Variants in KCNJ6 observed in about 807,000 individuals in gnomAD.
The protein encoded by KCNJ6 is potassium inwardly rectifying channel subfamily J member 6.
KCNJ6 carries 9 observed loss-of-function variants against 34.2 expected under a neutral mutation model. The observed-to-expected ratio is 0.26, with a 90% CI of 0.16 to 0.46. KCNJ6 has a LOEUF of 0.46. Among genes scored for constraint, KCNJ6 ranks in the 20% least tolerant of loss-of-function variants. KCNJ6 has a pLI of 1.00. For missense variants in KCNJ6, 236 were observed against 531.3 expected, an observed-to-expected ratio of 0.44 and a Z score of 5.46; for synonymous variants, 196 against 207.1, an observed-to-expected ratio of 0.95 and a Z score of 0.46.
intron 3 of KCNJ6, among the ~76,000 whole-genome samples, chr21:37,712,485 TCTTCC>T (rs2054759186): frequency 2.1e-5 from 2 of 93,054 alleles, no homozygotes; most frequent in Non-Finnish European, 2.6e-5. Context: ...CCTCCCTTTC[TCTTCC>T]CTCCCTCCTC....
chr21:37,639,010 A>G (rs1449465768), intron 3 of KCNJ6, among the ~76,000 whole-genome samples: 1 of 152,212 alleles, frequency 6.6e-6, no homozygotes, highest in East Asian at 1.9e-4. Context: ...CTCCAGTTGA[A>G]AAAGAAAATC....
intron 2 of KCNJ6, among the ~76,000 whole-genome samples, chr21:37,778,692 T>TGTGC (rs145978913): frequency 4.5e-5 from 6 of 132,746 alleles, no homozygotes; most frequent in Non-Finnish European, 6.5e-5. Context: ...CCGTGTGCTG[T>TGTGC]GTGCGTGTGT....
rs2054293678 is a variant in KCNJ6, at chr21:37,622,670, G to A, written c.*2489C>T. The A allele has an allele frequency of 6.6e-6, 1 of 152,190 alleles. No homozygotes were observed. Among genetic ancestry groups the A allele is most frequent in the Non-Finnish European group, 1.5e-5 (1 of 68,030 alleles). The allele number at this position is 152,190 out of a possible 1,614,324, so 9.4% of individuals were successfully genotyped here. On this transcript the variant is annotated 3_prime_UTR_variant, in exon 4 of 4. Coordinates refer to ENST00000609713, the MANE Select transcript of KCNJ6 (RefSeq NM_002240.5). ...ACCTCACATCTGGGTGCCCGTCACAGACACAGAACTGACAGGTGCACGTGG... is the reference window on the plus strand; with the variant it reads ...ACCTCACATCTGGGTGCCCGTCACAAACACAGAACTGACAGGTGCACGTGG...
At chr21:37,666,313 T>C (rs911718903) in intron 3 of KCNJ6, among the ~76,000 whole-genome samples, 2 of 152,134 alleles carry the variant, frequency 1.3e-5, no homozygotes, top group African/African-American at 4.8e-5. Context: ...CAGGCTGACC[T>C]GAGGCTGAGC....
At chr21:37,840,841 A>G in intron 1 of KCNJ6, 132 bp from the exon 2 acceptor site, 1 of 579,746 alleles carries the variant, frequency 1.7e-6, no homozygotes, top group South Asian at 2.5e-5. Flanking sequence ...TAATTAAATG[A>G]ATAAAAAACC....
intron 1 of KCNJ6, among the ~76,000 whole-genome samples, chr21:37,891,059 CTG>C (rs1281470960): frequency 1.3e-5 from 2 of 152,180 alleles, no homozygotes; most frequent in African/African-American, 4.8e-5. Context: ...CTGAATCTAA[CTG>C]TACGATGCTC....
chr21:37,833,090 C>G (rs1252732755), intron 2 of KCNJ6, among the ~76,000 whole-genome samples: 1 of 152,064 alleles, frequency 6.6e-6, no homozygotes, highest in Non-Finnish European at 1.5e-5. Context: ...TCTTGGCTAA[C>G]TGCAACCTCC....
At chr21:37,860,506 T>C (rs1218868595) in intron 1 of KCNJ6, among the ~76,000 whole-genome samples, 3 of 152,204 alleles carry the variant, frequency 2.0e-5, no homozygotes, top group Non-Finnish European at 2.9e-5. Flanking sequence ...TAAGCTGACT[T>C]ATTTCCCTGG....
chr21:37,842,336 C>G (rs974584406), intron 1 of KCNJ6, among the ~76,000 whole-genome samples: 11 of 152,184 alleles, frequency 7.2e-5, no homozygotes, highest in African/African-American at 2.2e-4. Context: ...GTTTGGCTAA[C>G]ACTTGAAATG....
In KCNJ6 at chr21:37,827,518, C is replaced by G. The variant is rs1380561150; in HGVS notation, c.25+13140G>C. 7.1e-5 allele frequency among the ~76,000 whole-genome samples: 10 copies of G among 141,592 alleles called. No homozygotes were observed. The East Asian group carries it at 2.5e-3, about 35-fold the overall frequency. The allele number at this position is 141,592 out of a possible 152,430, so 92.9% of individuals were successfully genotyped here. A position where few individuals can be genotyped will look rare whatever the true frequency, so the allele number is the denominator to read the frequency against. ...ATAAAATCATAGAGTGACATCATAACCCTTGGGTTTTTTTTTTAACCTCGA... is the reference window on the plus strand; with the variant it reads ...ATAAAATCATAGAGTGACATCATAAGCCTTGGGTTTTTTTTTTAACCTCGA... On this transcript the variant is annotated intron_variant, in intron 2 of 3. Coordinates refer to ENST00000609713, the MANE Select transcript of KCNJ6 (RefSeq NM_002240.5).
rs2054641081 is a variant in KCNJ6, at chr21:37,691,795, C to T, written c.946+22416G>A. Among the ~76,000 whole-genome samples the T allele has an allele frequency of 3.3e-5, 5 of 150,990 alleles. No individual in the cohort carries two copies. The South Asian group carries it at 8.3e-4, about 25-fold the overall frequency. On this transcript the variant is annotated intron_variant, in intron 3 of 3. Coordinates refer to ENST00000609713, the MANE Select transcript of KCNJ6 (RefSeq NM_002240.5). The stretch of plus-strand genomic sequence containing the variant: ...ACCTGTGCTCACAGGAAAGCACAGC[C>T]GTTAGAACTCCTTAGACCCTGCAGG...
At chr21:37,898,117 G>A (rs1184583538) in intron 1 of KCNJ6, among the ~76,000 whole-genome samples, 1 of 152,190 alleles carries the variant, frequency 6.6e-6, no homozygotes, top group Non-Finnish European at 1.5e-5. Context: ...GGGGAAGGCA[G>A]AGCGTGATGG....
chr21:37,627,600 G>GA (rs1402331836), intron 3 of KCNJ6, among the ~76,000 whole-genome samples: 3 of 152,192 alleles, frequency 2.0e-5, no homozygotes, highest in Non-Finnish European at 4.4e-5. Flanking sequence ...AACAGTTGGG[G>GA]AAAATAGCAA....
intron 3 of KCNJ6, among the ~76,000 whole-genome samples, chr21:37,633,286 G>A (rs571944387): frequency 5.1e-4 from 77 of 152,182 alleles, no homozygotes; most frequent in African/African-American, 1.6e-3. Flanking sequence ...CACTTATGAT[G>A]AAACTTCTTA....
At chr21:37,791,467 C>T (rs2055216674) in intron 2 of KCNJ6, among the ~76,000 whole-genome samples, 1 of 152,158 alleles carries the variant, frequency 6.6e-6, no homozygotes, top group Non-Finnish European at 1.5e-5. Context: ...GCACATTGTC[C>T]CCTGACAAGA....
intron 2 of KCNJ6, among the ~76,000 whole-genome samples, chr21:37,774,015 C>T (rs762145): frequency 0.35 from 53,446 of 151,968 alleles, 9,546 homozygotes; most frequent in Middle Eastern, 0.39. Flanking sequence ...GAACTTAAAA[C>T]TGCTCTCTAC....
rs140323639 is a variant in KCNJ6 at position 37,912,588 on chromosome 21, G to A, written c.-28+3296C>T. ...TGGAACAAGGCCAAGGAACAGCTGCGTTGTTTAATACTCCACGTGTCACTT... is the reference window on the plus strand; with the variant it reads ...TGGAACAAGGCCAAGGAACAGCTGCATTGTTTAATACTCCACGTGTCACTT... On this transcript the variant is annotated intron_variant, in intron 1 of 3. Transcript: ENST00000609713. Among the ~76,000 whole-genome samples the A allele has an allele frequency of 3.1e-3, 472 of 152,318 alleles. 4 individuals are homozygous for A. Among genetic ancestry groups the A allele is most frequent in the African/African-American group, 5.7e-3 (237 of 41,572 alleles).
At chr21:37,788,353 G>T (rs956213097) in intron 2 of KCNJ6, among the ~76,000 whole-genome samples, 3 of 152,052 alleles carry the variant, frequency 2.0e-5, no homozygotes, top group Non-Finnish European at 2.9e-5. Flanking sequence ...AATTTTCTTT[G>T]GGAGTGGTTA....
rs551102730 is a variant in KCNJ6 at position 37,698,617 on chromosome 21, G to A, written c.946+15594C>T. ...CCATCATAGCTCACTGCAGCCTTTC[G>A]ACCTCCTGGACTCAGCTGATCCTCC... On this transcript the variant is annotated intron_variant, in intron 3 of 3. Coordinates refer to ENST00000609713, the MANE Select transcript of KCNJ6 (RefSeq NM_002240.5). 2.4e-4 allele frequency among the ~76,000 whole-genome samples: 37 copies of A among 151,994 alleles called. No individual in the cohort carries two copies. The East Asian group carries it at 5.6e-3, about 23-fold the overall frequency.
Sources: allele counts gnomAD v4.1 joint callset (sites outside exome capture counted in the v4.1 genomes callset), GRCh38; gene constraint gnomAD v4.1.1; transcripts MANE v1.5; gene names NCBI Gene and HGNC (gene_info 2026-07-23, HGNC 2026-07-21).